The following GLYATL2 variants were observed in gnomAD, a reference collection of about 807,000 sequenced individuals.
GLYATL2 encodes glycine N-acyltransferase-like protein 2.
A neutral mutation model predicts 21.4 loss-of-function variants in GLYATL2; 25 were observed. The observed-to-expected ratio is 1.17, with a 90% CI of 0.85 to 1.63. The LOEUF (loss-of-function observed/expected upper bound fraction) is 1.63, where lower values mean the gene tolerates loss of function less well. Ranked by LOEUF, GLYATL2 falls within the 40% of genes most tolerant of loss-of-function variation. The pLI is 0.00. For missense variants in GLYATL2, 361 were observed against 343.3 expected (o/e 1.05, Z -0.41); for synonymous variants, 114 against 118.2 (o/e 0.96, Z 0.23).
chr11:58,876,845 G>A (rs1262323853), intron 1 of GLYATL2, among the ~76,000 whole-genome samples: 3 of 152,234 alleles, frequency 2.0e-5, no homozygotes, highest in Non-Finnish European at 2.9e-5. Flanking sequence ...AGTCTGCAGA[G>A]GTTATTGCTG....
upstream of GLYATL2, chr11:58,908,312 T>G (rs1854956434): frequency 6.6e-6 from 1 of 152,390 alleles, no homozygotes; most frequent in South Asian, 2.1e-4. Context: ...AGAGATGAGA[T>G]CCCACACAGC....
intron 1 of GLYATL2, among the ~76,000 whole-genome samples, chr11:58,887,787 A>G (rs1413918922): frequency 1.3e-5 from 2 of 152,188 alleles, no homozygotes; most frequent in African/African-American, 4.8e-5. Flanking sequence ...ACTAAAAACA[A>G]TGCTTCAATA....
intron 1 of GLYATL2, among the ~76,000 whole-genome samples, chr11:58,896,504 A>C (rs1590754656): frequency 6.6e-6 from 1 of 152,288 alleles, no homozygotes; most frequent in East Asian, 1.9e-4. Context: ...CAAACTTCTG[A>C]CATTTCCCTA....
intron 1 of GLYATL2, among the ~76,000 whole-genome samples, chr11:58,902,946 C>T (rs974001348): frequency 3.9e-5 from 6 of 152,296 alleles, no homozygotes; most frequent in African/African-American, 1.2e-4. Context: ...TGCATCCAAG[C>T]TCTCAGACCA....
At position 58,891,527 on chromosome 11, in the gene GLYATL2, C is replaced by A. The variant is rs561523771; in HGVS notation, n.60+12629G>T. ...TATTCACTAAAGTATCTTGCCCAAGCCCTGGATGGACAGATCCCATCACAC... is the reference window on the plus strand; with the variant it reads ...TATTCACTAAAGTATCTTGCCCAAGACCTGGATGGACAGATCCCATCACAC... On this transcript the variant is annotated intron_variant and non_coding_transcript_variant, in intron 1 of 4. Transcript: ENST00000533636. 6.6e-5 allele frequency among the ~76,000 whole-genome samples: 10 copies of A among 152,276 alleles called. No homozygotes were observed. The East Asian group carries it at 1.3e-3, about 21-fold the overall frequency.
chr11:58,899,252 A>T (rs565951163), intron 1 of GLYATL2, among the ~76,000 whole-genome samples: 7 of 151,102 alleles, frequency 4.6e-5, no homozygotes, highest in Non-Finnish European at 7.4e-5. Context: ...TCTTCCCTCC[A>T]CTCCCACCCC....
Position 58,837,119 on chromosome 11 carries a change from C to G in GLYATL2, c.372G>C (p.Gln124His). ...IRKVATSKSV[Q>H]VDYMKTILFI... is the part of the protein sequence containing the mutation. ...AGAGGATGGTTTTCATGTAATCTACCTGCACTGATTTTGAAGTTGCAACCT... is the reference window on the plus strand; with the variant it reads ...AGAGGATGGTTTTCATGTAATCTACGTGCACTGATTTTGAAGTTGCAACCT... The change falls in exon 5 of 6, where the codon CAG becomes CAC. Residue 124 changes from glutamine to histidine, a missense_variant. Gln to His is a conservative substitution (Grantham distance 24). Transcript: ENST00000287275. The G allele has an allele frequency of 6.2e-7, 1 of 1,613,858 alleles. No homozygotes were observed. Among genetic ancestry groups the G allele is most frequent in the East Asian group, 2.2e-5 (1 of 44,874 alleles).
At chr11:58,898,556 C>T (rs1044271975) in intron 1 of GLYATL2, among the ~76,000 whole-genome samples, 3 of 151,348 alleles carry the variant, frequency 2.0e-5, no homozygotes, top group Non-Finnish European at 2.9e-5. Context: ...TTCTCTAGGC[C>T]GGGTGCAGTG....
intron 1 of GLYATL2, among the ~76,000 whole-genome samples, chr11:58,871,029 T>G (rs1216078668): frequency 2.0e-5 from 3 of 152,162 alleles, no homozygotes; most frequent in African/African-American, 4.8e-5. Context: ...GAGTTTTTAT[T>G]TGAATAGGTA....
At chr11:58,867,736 C>T (rs1854046218) in intron 1 of GLYATL2, among the ~76,000 whole-genome samples, 1 of 148,958 alleles carries the variant, frequency 6.7e-6, no homozygotes, top group African/African-American at 2.4e-5. Flanking sequence ...TATGATGGGA[C>T]TGATATCAAA....
At chr11:58,894,515 A>G (rs1943300) in intron 1 of GLYATL2, among the ~76,000 whole-genome samples, 128,692 of 146,330 alleles carry the variant, frequency 0.88, 57,913 homozygotes, top group Non-Finnish European at 0.98. Context: ...CTTTCTGATA[A>G]TCTAGATTTA....
chr11:58,847,705 A>T (rs557782425), upstream of GLYATL2, among the ~76,000 whole-genome samples: 13 of 152,088 alleles, frequency 8.5e-5, no homozygotes, highest in East Asian at 2.5e-3. Context: ...AATGTTTTTG[A>T]CTCTAGTCCT....
At chr11:58,878,429 C>T (rs535813522) in intron 1 of GLYATL2, 2 of 436,722 alleles carry the variant, frequency 4.6e-6, no homozygotes, top group Non-Finnish European at 3.5e-6. Flanking sequence ...GTGTTTTGAG[C>T]TCTCTGAATT....
upstream of GLYATL2, among the ~76,000 whole-genome samples, chr11:58,846,524 G>T (rs1328136400): frequency 6.6e-6 from 1 of 151,654 alleles, no homozygotes; most frequent in Non-Finnish European, 1.5e-5. Flanking sequence ...GGGCACGGGG[G>T]TAGAAAGAAC....
At chr11:58,835,277 A>G (rs911294737) in intron 5 of GLYATL2, among the ~76,000 whole-genome samples, 1 of 152,240 alleles carries the variant, frequency 6.6e-6, no homozygotes, top group Non-Finnish European at 1.5e-5. Flanking sequence ...ATATTCCAAT[A>G]AAACATATTT....
chr11:58,858,258 T>C (rs1405569541), intron 1 of GLYATL2, among the ~76,000 whole-genome samples: 1 of 152,192 alleles, frequency 6.6e-6, no homozygotes, highest in African/African-American at 2.4e-5. Context: ...TTCTGACAAC[T>C]GGAGATGAGC....
chr11:58,834,622 T>C lies in GLYATL2; in HGVS notation c.692A>G (p.Lys231Arg). ...CELRMGYTVP[K>R]YRHQGNMLQI... ...CAACATGTTGCCTTGGTGTCTGTATTTGGGGACAGTATAACCCATTCTCAA... is the reference window on the plus strand; with the variant it reads ...CAACATGTTGCCTTGGTGTCTGTATCTGGGGACAGTATAACCCATTCTCAA... The change falls in exon 6 of 6, where the codon AAA becomes AGA. Residue 231 changes from lysine (K) to arginine (R), a missense_variant. Physicochemically the swap from Lys to Arg is conservative, Grantham distance 26. Transcript: ENST00000287275. 6.8e-6 allele frequency: 11 copies of C among 1,613,636 alleles called. No individual in the cohort carries two copies. Among genetic ancestry groups the C allele is most frequent in the Middle Eastern group, 1.7e-4 (1 of 5,770 alleles).
intron 3 of GLYATL2, among the ~76,000 whole-genome samples, chr11:58,837,828 GT>G (rs1425575982): frequency 6.6e-6 from 1 of 152,220 alleles, no homozygotes; most frequent in Non-Finnish European, 1.5e-5. Flanking sequence ...AATAGATGAA[GT>G]TTTGGAAAGA....
At chr11:58,863,983 T>C (rs983031501) in intron 1 of GLYATL2, among the ~76,000 whole-genome samples, 17 of 151,934 alleles carry the variant, frequency 1.1e-4, no homozygotes, top group African/African-American at 4.1e-4. Context: ...CTGCAGATGC[T>C]TGCCAGATAC....
Sources: allele counts gnomAD v4.1 joint callset (sites outside exome capture counted in the v4.1 genomes callset), GRCh38; gene constraint gnomAD v4.1.1; transcripts MANE v1.5; gene names NCBI Gene and HGNC (gene_info 2026-07-23, HGNC 2026-07-21).